Variants in LINGO2 observed in about 807,000 individuals in gnomAD.
LINGO2 encodes the protein leucine rich repeat and Ig domain containing 2.
A neutral mutation model predicts 30.6 loss-of-function variants in LINGO2; 14 were observed. The observed-to-expected ratio is 0.46, with a 90% CI of 0.30 to 0.72. The LOEUF is 0.72. Among genes scored for constraint, LINGO2 ranks in the 30% least tolerant of loss-of-function variants. The pLI is 0.07. For synonymous variants in LINGO2, 317 were observed against 288.5 expected (o/e 1.10, Z -1.00); for missense variants, 729 against 751.7 (o/e 0.97, Z 0.35).
chr9:28,047,353 A>G (rs1200455897), intron 4 of LINGO2, among the ~76,000 whole-genome samples: 4 of 151,558 alleles, frequency 2.6e-5, no homozygotes, highest in Non-Finnish European at 5.9e-5. Context: ...TCATTGGGTC[A>G]TACTGTATGA....
At chr9:27,994,548 C>T (rs1821562169) in intron 5 of LINGO2, among the ~76,000 whole-genome samples, 1 of 152,054 alleles carries the variant, frequency 6.6e-6, no homozygotes, top group Admixed American at 6.6e-5. Flanking sequence ...GGGGAAGTTC[C>T]TAGGCAGAAA....
Position 28,365,765 on chromosome 9 carries a change from C to CT in LINGO2, c.-246+7070dup, listed in dbSNP as rs34259621. On this transcript the variant is annotated intron_variant, in intron 3 of 5. Coordinates refer to ENST00000379992, the Ensembl canonical transcript of LINGO2. Reference sequence around the variant, plus strand: ...AGGTACAAAGGAACCTTTGGATCCTCTTTTTTTTTTTTTTTTTTTCCTCTC... The same window carrying CT: ...AGGTACAAAGGAACCTTTGGATCCTCTTTTTTTTTTTTTTTTTTTTCCTCTC... Among the ~76,000 whole-genome samples the CT allele has an allele frequency of 2.8e-4, 37 of 133,088 alleles. 1 individual carries two copies. Among genetic ancestry groups the CT allele is most frequent in the Admixed American group, 6.9e-4 (9 of 13,090 alleles). The allele number at this position is 133,088 out of a possible 152,430, so 87.3% of individuals were successfully genotyped here.
intron 4 of LINGO2, among the ~76,000 whole-genome samples, chr9:28,292,414 A>G (rs12346299): frequency 0.054 from 8,222 of 152,290 alleles, 281 homozygotes; most frequent in South Asian, 0.13. Flanking sequence ...GTGTAATTCC[A>G]TTATGGTCCA....
At chr9:28,051,290 T>TAA (rs1315577986) in intron 4 of LINGO2, among the ~76,000 whole-genome samples, 2 of 152,082 alleles carry the variant, frequency 1.3e-5, no homozygotes, top group Non-Finnish European at 2.9e-5. Context: ...GTCAAGTTCA[T>TAA]AAAACATATG....
intron 2 of LINGO2, among the ~76,000 whole-genome samples, chr9:28,444,569 A>G (rs1029265106): frequency 6.6e-6 from 1 of 152,210 alleles, no homozygotes; most frequent in African/African-American, 2.4e-5. Flanking sequence ...TCCCCAAGCC[A>G]GGGCTGTGAC....
chr9:28,239,836 G>A (rs1821717660), intron 4 of LINGO2, among the ~76,000 whole-genome samples: 1 of 152,112 alleles, frequency 6.6e-6, no homozygotes, highest in Non-Finnish European at 1.5e-5. Flanking sequence ...AAAGGAAAAT[G>A]TCAAATTATC....
chr9:29,007,779 T>A, the LINGO2 span, among the ~76,000 whole-genome samples: 1 of 152,050 alleles, frequency 6.6e-6, no homozygotes, highest in African/African-American at 2.4e-5. Flanking sequence ...ATGGACATGT[T>A]TAGTTTGAGG....
chr9:28,720,075 T>A, the LINGO2 span, among the ~76,000 whole-genome samples: 2 of 152,052 alleles, frequency 1.3e-5, no homozygotes, highest in African/African-American at 4.8e-5. Flanking sequence ...CTGAAGTTAT[T>A]TTCTTCAAAA....
chr9:28,525,656 GA>G (rs1206998342), intron 1 of LINGO2, among the ~76,000 whole-genome samples: 1 of 152,168 alleles, frequency 6.6e-6, no homozygotes, highest in Non-Finnish European at 1.5e-5. Context: ...GTCTAAGTGG[GA>G]GTGTATGTGA....
chr9:28,926,046 G>A, the LINGO2 span, among the ~76,000 whole-genome samples: 2 of 152,266 alleles, frequency 1.3e-5, no homozygotes, highest in South Asian at 4.1e-4. Context: ...CAGGTGTGGT[G>A]GCTCACACCT....
At chr9:28,761,702 A>G in the LINGO2 span, among the ~76,000 whole-genome samples, 1 of 152,068 alleles carries the variant, frequency 6.6e-6, no homozygotes. Flanking sequence ...ATGAGTAAAA[A>G]CAAATGCAAA....
chr9:29,100,290 G>A, the LINGO2 span, among the ~76,000 whole-genome samples: 1 of 152,138 alleles, frequency 6.6e-6, no homozygotes, highest in African/African-American at 2.4e-5. Flanking sequence ...TAACTGGGTA[G>A]GGGGATGGTT....
chr9:28,586,779 G>A lies in LINGO2; in HGVS notation c.-365+83421C>T, dbSNP rs1049468083. 3.3e-5 allele frequency among the ~76,000 whole-genome samples: 5 copies of A among 151,936 alleles called. No individual in the cohort carries two copies. The East Asian group carries it at 7.8e-4, about 24-fold the overall frequency. On this transcript the variant is annotated intron_variant, in intron 1 of 5. Transcript: ENST00000379992. The stretch of plus-strand genomic sequence containing the variant: ...TCTCAAAGGTGAGCAGGGCCGTGGA[G>A]AGAGGTTAAGCCTGGCACTGCTCAT...
At chr9:27,945,286 A>G (rs1246682150), downstream of LINGO2, among the ~76,000 whole-genome samples, 1 of 152,166 alleles carries the variant, frequency 6.6e-6, no homozygotes, top group Non-Finnish European at 1.5e-5. Context: ...TAAAGTGACA[A>G]AAGTCAGGCC....
chr9:28,659,408 G>A (rs1213099629), intron 1 of LINGO2, among the ~76,000 whole-genome samples: 6 of 151,754 alleles, frequency 4.0e-5, no homozygotes, highest in African/African-American at 1.5e-4. Flanking sequence ...CTTCTTCAAA[G>A]ACAGCAATAG....
intron 5 of LINGO2, among the ~76,000 whole-genome samples, chr9:27,952,716 T>G (rs1478489328): frequency 6.6e-6 from 1 of 152,092 alleles, no homozygotes; most frequent in East Asian, 1.9e-4. Flanking sequence ...GTGGGAAAAT[T>G]TGCATACTAA....
chr9:28,024,023 T>C (rs1369718291), intron 4 of LINGO2, among the ~76,000 whole-genome samples: 1 of 152,172 alleles, frequency 6.6e-6, no homozygotes, highest in Admixed American at 6.6e-5. Flanking sequence ...GCAGTTTGCT[T>C]TGTATTCTCA....
At chr9:28,193,097 T>G (rs1041472597) in intron 4 of LINGO2, among the ~76,000 whole-genome samples, 1 of 152,200 alleles carries the variant, frequency 6.6e-6, no homozygotes, top group African/African-American at 2.4e-5. Flanking sequence ...AAAGATAGAT[T>G]ACACTGATGT....
At chr9:29,011,494 A>G in the LINGO2 span, among the ~76,000 whole-genome samples, 1 of 152,198 alleles carries the variant, frequency 6.6e-6, no homozygotes, top group Admixed American at 6.6e-5. Flanking sequence ...CTATCCCAAG[A>G]TTTATACAAT....
Sources: gnomAD v4.1 joint callset for allele counts (sites outside exome capture counted in the v4.1 genomes callset) on GRCh38, gnomAD v4.1.1 for gene constraint, MANE v1.5 for transcripts, NCBI Gene and HGNC (gene_info 2026-07-23, HGNC 2026-07-21) for gene names.